The following PLP1 variants were observed in gnomAD, a reference collection of about 807,000 sequenced individuals.
PLP1 encodes the protein myelin proteolipid protein.
PLP1 carries 2 observed loss-of-function variants against 18.5 expected under a neutral mutation model. The ratio of observed to expected loss-of-function variants is 0.11; its 90% CI spans 0.04 to 0.34. The LOEUF (loss-of-function observed/expected upper bound fraction) is 0.34. PLP1 is among the 10% of genes least tolerant of loss of function. The pLI is 1.00. For missense variants in PLP1, 105 were observed against 207.3 expected, an observed-to-expected ratio of 0.51 and a Z score of 3.03; for synonymous variants, 86 against 83.2, an observed-to-expected ratio of 1.03 and a Z score of -0.19.
intron 1 of PLP1, among the ~76,000 whole-genome samples, chrX:103,780,437 CTCTGTG>C (rs1189608665): frequency 5.7e-5 from 5 of 87,858 alleles, no homozygotes; most frequent in East Asian, 3.4e-4. Context: ...TTCTGTCTCT[CTCTGTG>C]TGTGTGTGTG....
At chrX:103,781,344 G>A (rs207478691) in intron 1 of PLP1, 2 of 317,302 alleles carry the variant, frequency 6.3e-6, no homozygotes, top group South Asian at 2.8e-5. Context: ...CTGTCAGACC[G>A]CTGTGAAGAG....
At chrX:103,788,030 T>A in intron 4 of PLP1, 64 bp downstream of exon 4, 1 of 934,700 alleles carries the variant, frequency 1.1e-6, no homozygotes, top group Non-Finnish European at 1.6e-6. Context: ...TATTTGGTTA[T>A]TTTCTTAGTG....
rs1425244989 is a variant in PLP1, at chrX:103,790,745, G to A, written c.*147G>A. 1.9e-6 allele frequency: 1 copy of A among 531,167 alleles called. No individual in the cohort carries two copies. Among genetic ancestry groups the A allele is most frequent in the East Asian group, 3.4e-5 (1 of 28,999 alleles). 43.8% of individuals were successfully genotyped at this position (531,167 alleles called of 1,213,427 possible). ...TGTAACAAGAAAGGAGAGTCTTGCA[G>A]TGATTAAGGTCTCTCTTTGGACTCT... On this transcript the variant is annotated 3_prime_UTR_variant, in exon 7 of 7. Coordinates refer to ENST00000621218, the MANE Select transcript of PLP1 (RefSeq NM_000533.5).
At position 103,790,559 on chromosome X, in the gene PLP1, T is replaced by C. The variant is rs767956534; in HGVS notation, c.795T>C (p.Phe265=). The C allele has an allele frequency of 1.7e-6, 2 of 1,207,817 alleles. No individual in the cohort carries two copies. Among genetic ancestry groups the C allele is most frequent in the East Asian group, 3.0e-5 (1 of 33,774 alleles). The change falls in exon 7 of 7, where the codon TTT becomes TTC. Residue 265 remains phenylalanine, a synonymous_variant. Transcript: ENST00000621218. ...LTFMIAATYN[F]AVLKLMGRGT... ...TCATGATTGCTGCCACTTACAACTT[T>C]GCCGTCCTTAAACTCATGGGCCGAG...
Position 103,792,356 on chromosome X carries a change from A to G in PLP1, c.*1758A>G, listed in dbSNP as rs1039852999. ...TGTTTTGTAAGAAACCAATCAAGAT[A>G]AAGGACAGTGAAGTAATCCGTACCT... is the stretch of plus-strand genomic sequence containing the variant. On this transcript the variant is annotated 3_prime_UTR_variant, in exon 7 of 7. Coordinates refer to ENST00000621218, the MANE Select transcript of PLP1 (RefSeq NM_000533.5). 2 of 112,593 alleles carry G rather than the reference A, an allele frequency of 1.8e-5. No homozygotes were observed. Among genetic ancestry groups the G allele is most frequent in the African/African-American group, 6.5e-5 (2 of 30,913 alleles). The allele number at this position is 112,593 out of a possible 1,213,427, so 9.3% of individuals were successfully genotyped here. A position where few individuals can be genotyped will look rare whatever the true frequency, so the allele number is the denominator to read the frequency against.
chrX:103,783,580 C>T (rs1477919870), intron 1 of PLP1, among the ~76,000 whole-genome samples: 2 of 112,020 alleles, frequency 1.8e-5, no homozygotes, highest in African/African-American at 3.2e-5. Flanking sequence ...GCCTCTACCT[C>T]GATTTTCCCA....
In PLP1 at chrX:103,790,510, T is replaced by C. The variant is rs1253457400; in HGVS notation, c.763-17T>C. On this transcript the variant is annotated splice_polypyrimidine_tract_variant and intron_variant, in intron 6 of 6. Coordinates refer to ENST00000621218, the MANE Select transcript of PLP1 (RefSeq NM_000533.5). Reference sequence around the variant, plus strand: ...CTTTTCTACTCTCATTCACATTCTCTCTTCTGTTCCCTACAGCTCACCTTC... The same window carrying C: ...CTTTTCTACTCTCATTCACATTCTCCCTTCTGTTCCCTACAGCTCACCTTC... 8.5e-7 allele frequency: 1 copy of C among 1,176,993 alleles called. No homozygotes were observed. The highest frequency in any genetic ancestry group is 1.2e-6 in the Non-Finnish European group (1 of 863,675).
chrX:103,786,899 G>A, intron 3 of PLP1, 173 bp downstream of exon 3: 1 of 511,178 alleles, frequency 2.0e-6, no homozygotes. Context: ...TGCCCAGCTG[G>A]CTTAGCCTCA....
At chrX:103,786,421 A>G (rs762042640) in intron 2 of PLP1, 44 bp from the exon 3 acceptor site, 6 of 1,183,801 alleles carry the variant, frequency 5.1e-6, no homozygotes, top group Non-Finnish European at 6.9e-6. Context: ...CAGGTCTTCA[A>G]TTAATAAGAT....
chrX:103,788,411 C>T, intron 4 of PLP1, 26 bp from the exon 5 acceptor site: 1 of 1,149,739 alleles, frequency 8.7e-7, no homozygotes, highest in Non-Finnish European at 1.2e-6. Context: ...AAAGCTTACC[C>T]TGCTTGCTTT....
rs2074539558 is a variant in PLP1 at position 103,790,864 on chromosome X, T to A, written c.*266T>A. The stretch of plus-strand genomic sequence containing the variant: ...AAGAAGATGACTTCCCAACTGCAAG[T>A]CACAAAGGAATGGAGGCTCTAATTG... On this transcript the variant is annotated 3_prime_UTR_variant, in exon 7 of 7. Transcript: ENST00000621218. 5.2e-6 allele frequency: 2 copies of A among 385,873 alleles called. No individual in the cohort carries two copies. The highest frequency in any genetic ancestry group is 9.1e-6 in the Non-Finnish European group (2 of 220,603). The allele number at this position is 385,873 out of a possible 1,213,427, so 31.8% of individuals were successfully genotyped here.
intron 2 of PLP1, 91 bp from the exon 3 acceptor site, chrX:103,786,374 G>T (rs1217744054): frequency 9.4e-7 from 1 of 1,067,337 alleles, no homozygotes; most frequent in Non-Finnish European, 1.3e-6. Flanking sequence ...TAAGGTGCTC[G>T]CTCTGGTGTA....
chrX:103,776,874 A>G lies in PLP1; in HGVS notation c.-122A>G, dbSNP rs1341892890. Reference sequence around the variant, plus strand: ...GCAGGAGAAGAGGACAAAGATACTCAGAGAGAAAAAGTAAAAGACCGAAGA... The same window carrying G: ...GCAGGAGAAGAGGACAAAGATACTCGGAGAGAAAAAGTAAAAGACCGAAGA... On this transcript the variant is annotated 5_prime_UTR_variant, in exon 1 of 7. Transcript: ENST00000621218. The G allele has an allele frequency of 2.9e-6, 2 of 680,677 alleles. No individual in the cohort carries two copies. The highest frequency in any genetic ancestry group is 4.7e-6 in the Non-Finnish European group (2 of 429,211). The allele number at this position is 680,677 out of a possible 1,213,427, so 56.1% of individuals were successfully genotyped here. A position where few individuals can be genotyped will look rare whatever the true frequency, so the allele number is the denominator to read the frequency against.
chrX:103,786,281 C>A, intron 2 of PLP1, 184 bp from the exon 3 acceptor site: 1 of 1,086,205 alleles, frequency 9.2e-7, no homozygotes, highest in East Asian at 3.1e-5. Flanking sequence ...CACATACACC[C>A]TGTCTTCACT....
At position 103,784,883 on chromosome X, in the gene PLP1, G is replaced by A. The variant is rs750635056; in HGVS notation, c.5-699G>A. On this transcript the variant is annotated intron_variant, in intron 1 of 6. Transcript: ENST00000621218. ...CGTATAACACCCAGCATAATGCTGG[G>A]CATATAGTGAGTATTCCATAAATAG... Among the ~76,000 whole-genome samples, 6 of 112,088 alleles carry A rather than the reference G, an allele frequency of 5.4e-5. No homozygotes were observed. The South Asian group carries it at 2.2e-3, about 42-fold the overall frequency.
intron 1 of PLP1, among the ~76,000 whole-genome samples, chrX:103,784,836 T>C (rs2147761845): frequency 8.9e-6 from 1 of 112,142 alleles, no homozygotes; most frequent in South Asian, 3.7e-4. Context: ...GCAGAGTCTG[T>C]GTCTTTTCTC....
intron 3 of PLP1, 50 bp downstream of exon 3, chrX:103,786,776 G>C (rs1366954693): frequency 8.5e-7 from 1 of 1,173,756 alleles, no homozygotes; most frequent in African/African-American, 1.8e-5. Context: ...GGGGAAAATT[G>C]GGCGCGAGTC....
intron 1 of PLP1, among the ~76,000 whole-genome samples, chrX:103,784,382 G>A (rs1254551565): frequency 1.8e-5 from 2 of 111,423 alleles, no homozygotes; most frequent in Admixed American, 9.6e-5. Flanking sequence ...CTGAGGGTGG[G>A]GACATTAGCC....
chrX:103,776,819 T>A, upstream of PLP1: 4 of 492,899 alleles, frequency 8.1e-6, no homozygotes, highest in South Asian at 1.3e-4. Flanking sequence ...TTTAAGGGGG[T>A]TGGCTGTCAA....
Sources: allele counts gnomAD v4.1 joint callset (sites outside exome capture counted in the v4.1 genomes callset), GRCh38; gene constraint gnomAD v4.1.1; transcripts MANE v1.5; gene names NCBI Gene and HGNC (gene_info 2026-07-23, HGNC 2026-07-21).